Variants in NME7 observed in about 807,000 individuals in gnomAD.
NME7 encodes NME/NM23 family member 7.
In NME7, 41 loss-of-function variants were observed where a neutral mutation model predicts 49.1. The observed-to-expected ratio is 0.83, with a 90% CI of 0.65 to 1.08. The LOEUF (loss-of-function observed/expected upper bound fraction) is 1.08, where lower values mean the gene tolerates loss of function less well. Among genes scored for constraint, NME7 ranks in the 50% least tolerant of loss-of-function variants. The pLI, the probability that NME7 is intolerant of heterozygous loss-of-function variation, is 0.00. For synonymous variants in NME7, 139 were observed against 150.6 expected, an observed-to-expected ratio of 0.92 and a Z score of 0.56; for missense variants, 423 against 463.4, an observed-to-expected ratio of 0.91 and a Z score of 0.80.
At chr1:169,244,360 C>CA (rs1323574144) in intron 7 of NME7, among the ~76,000 whole-genome samples, 5 of 152,020 alleles carry the variant, frequency 3.3e-5, no homozygotes, top group African/African-American at 9.7e-5. Flanking sequence ...TGGCCAGGTG[C>CA]GGTGGCTCAC....
At chr1:169,356,997 G>A (rs984335758) in intron 1 of NME7, among the ~76,000 whole-genome samples, 3 of 152,102 alleles carry the variant, frequency 2.0e-5, no homozygotes, top group Non-Finnish European at 2.9e-5. Context: ...CATTCAGTAG[G>A]TCTCTATCTT....
In NME7 at chr1:169,243,468, CGCT is replaced by C. The variant is rs1000583933; in HGVS notation, c.755-5784_755-5782del. Reference sequence around the variant, plus strand: ...ATATTATTACACATAATCCTCACAACGCTGCTATGGACTGAATATTTGTGACCC... The same window carrying C: ...ATATTATTACACATAATCCTCACAACGCTATGGACTGAATATTTGTGACCC... On this transcript the variant is annotated intron_variant, in intron 7 of 11. Coordinates refer to ENST00000367811, the MANE Select transcript of NME7 (RefSeq NM_013330.5). Among the ~76,000 whole-genome samples the C allele has an allele frequency of 2.0e-3, 303 of 152,276 alleles. 4 individuals are homozygous for C. Among genetic ancestry groups the C allele is most frequent in the African/African-American group, 7.1e-3 (294 of 41,550 alleles).
At chr1:169,159,908 T>C (rs753005318) in intron 11 of NME7, among the ~76,000 whole-genome samples, 3 of 152,154 alleles carry the variant, frequency 2.0e-5, no homozygotes, top group Non-Finnish European at 4.4e-5. Flanking sequence ...TGAGTCACCA[T>C]TTTCTTCTCC....
intron 11 of NME7, among the ~76,000 whole-genome samples, chr1:169,163,620 T>G (rs902291215): frequency 4.6e-5 from 7 of 152,114 alleles, no homozygotes; most frequent in African/African-American, 1.7e-4. Flanking sequence ...TAGATGGTAG[T>G]AATAAATGAA....
chr1:169,306,430 G>T (rs756505464), intron 4 of NME7, among the ~76,000 whole-genome samples: 1 of 152,140 alleles, frequency 6.6e-6, no homozygotes, highest in Non-Finnish European at 1.5e-5. Context: ...AGCCTATGTT[G>T]ATACGTTGAA....
At chr1:169,133,151 A>AATT (rs1658301680) in intron 11 of NME7, among the ~76,000 whole-genome samples, 1 of 152,208 alleles carries the variant, frequency 6.6e-6, no homozygotes, top group South Asian at 2.1e-4. Flanking sequence ...TGGTTCAGTA[A>AATT]ATTAAGGTTC....
intron 10 of NME7, among the ~76,000 whole-genome samples, chr1:169,198,944 G>T (rs941677126): frequency 3.3e-5 from 5 of 151,990 alleles, no homozygotes; most frequent in African/African-American, 1.2e-4. Flanking sequence ...TTCTCTGAAA[G>T]AATTAAATTA....
chr1:169,316,231 G>T (rs1306021812), intron 3 of NME7, among the ~76,000 whole-genome samples: 2 of 151,910 alleles, frequency 1.3e-5, no homozygotes, highest in Non-Finnish European at 2.9e-5. Context: ...CAAAAAAACT[G>T]AATGTCCAAA....
At chr1:169,209,191 A>G (rs1660750500) in intron 10 of NME7, among the ~76,000 whole-genome samples, 1 of 152,104 alleles carries the variant, frequency 6.6e-6, no homozygotes, top group Admixed American at 6.6e-5. Flanking sequence ...GACCTTTTTC[A>G]TCAAAGACTA....
chr1:169,304,834 G>C (rs958047599), intron 4 of NME7, among the ~76,000 whole-genome samples: 1 of 151,842 alleles, frequency 6.6e-6, no homozygotes, highest in Admixed American at 6.6e-5. Flanking sequence ...CATTCTAGAG[G>C]GTAAAGAGAA....
chr1:169,150,763 G>GAAAAAAAAAAAAAA (rs10689301), intron 11 of NME7, among the ~76,000 whole-genome samples: 7 of 124,330 alleles, frequency 5.6e-5, no homozygotes, highest in East Asian at 4.9e-4. Context: ...GCTGGAAAAG[G>GAAAAAAAAAAAAAA]AAAAAAAAAA....
intron 6 of NME7, among the ~76,000 whole-genome samples, chr1:169,288,799 C>A (rs1650379167): frequency 6.6e-6 from 1 of 152,060 alleles, no homozygotes; most frequent in African/African-American, 2.4e-5. Context: ...CCCTTTTAGT[C>A]CTATACCAGA....
At chr1:169,140,024 T>C (rs1368635992) in intron 11 of NME7, among the ~76,000 whole-genome samples, 1 of 152,228 alleles carries the variant, frequency 6.6e-6, no homozygotes, top group African/African-American at 2.4e-5. Context: ...TCACTTTCTG[T>C]GGTGACTGTA....
chr1:169,306,514 A>G (rs1436480407), intron 4 of NME7, among the ~76,000 whole-genome samples: 1 of 152,210 alleles, frequency 6.6e-6, no homozygotes, highest in East Asian at 1.9e-4. Flanking sequence ...AATTGCTCCC[A>G]GAGATATACA....
intron 10 of NME7, among the ~76,000 whole-genome samples, chr1:169,222,667 C>T (rs1401793598): frequency 6.6e-6 from 1 of 152,110 alleles, no homozygotes; most frequent in Non-Finnish European, 1.5e-5. Flanking sequence ...AGGAGCTAAA[C>T]AATATAATCT....
At chr1:169,167,875 T>G (rs1455581767) in intron 11 of NME7, among the ~76,000 whole-genome samples, 1 of 152,198 alleles carries the variant, frequency 6.6e-6, no homozygotes, top group Non-Finnish European at 1.5e-5. Flanking sequence ...GCTATCACTT[T>G]GAGTGCTATT....
intron 10 of NME7, among the ~76,000 whole-genome samples, chr1:169,216,425 A>G (rs1660975944): frequency 1.3e-5 from 2 of 152,252 alleles, no homozygotes; most frequent in Admixed American, 6.5e-5. Context: ...CAGATAGCTG[A>G]GCAAATGAAA....
At chr1:169,297,031 T>G (rs1024054816) in intron 6 of NME7, among the ~76,000 whole-genome samples, 2 of 151,694 alleles carry the variant, frequency 1.3e-5, no homozygotes, top group African/African-American at 4.8e-5. Context: ...TAGAGCACAG[T>G]GGCATGATCT....
chr1:169,212,835 C>T (rs1660866717), intron 10 of NME7, among the ~76,000 whole-genome samples: 1 of 151,996 alleles, frequency 6.6e-6, no homozygotes, highest in African/African-American at 2.4e-5. Flanking sequence ...CACTATGTTA[C>T]ACAAGTTGGT....
Sources: gnomAD v4.1 joint callset for allele counts (sites outside exome capture counted in the v4.1 genomes callset) on GRCh38, gnomAD v4.1.1 for gene constraint, MANE v1.5 for transcripts, NCBI Gene and HGNC (gene_info 2026-07-23, HGNC 2026-07-21) for gene names.